The following SNX29 variants were observed in gnomAD, a reference collection of about 807,000 sequenced individuals.
SNX29 encodes sorting nexin 29, also known as sorting nexin-29.
Under a neutral mutation model 102.1 loss-of-function variants are expected in SNX29, and 78 were observed. The ratio of observed to expected loss-of-function variants is 0.76; its 90% CI spans 0.64 to 0.92. The LOEUF is 0.92. SNX29 is among the 40% of genes least tolerant of loss of function. The pLI, the probability that SNX29 is intolerant of heterozygous loss-of-function variation, is 0.00. For synonymous variants in SNX29, 580 were observed against 414.5 expected, an observed-to-expected ratio of 1.40 and a Z score of -4.85; for missense variants, 1,280 against 1,061.7, an observed-to-expected ratio of 1.21 and a Z score of -2.86.
chr16:12,552,568 A>G (rs1157792801), intron 20 of SNX29, among the ~76,000 whole-genome samples: 1 of 152,044 alleles, frequency 6.6e-6, no homozygotes, highest in African/African-American at 2.4e-5. Flanking sequence ...AGGCCAGCCA[A>G]GTTGCTGCCC....
intron 15 of SNX29, among the ~76,000 whole-genome samples, chr16:12,309,956 A>G (rs1282357333): frequency 6.6e-6 from 1 of 152,176 alleles, no homozygotes; most frequent in African/African-American, 2.4e-5. Context: ...CTTGAGCTAA[A>G]TATGCAGCAG....
At position 12,445,057 on chromosome 16, in the gene SNX29, G is replaced by T. The variant is rs570843535; in HGVS notation, c.2038-32662G>T. Among the ~76,000 whole-genome samples the T allele has an allele frequency of 8.4e-4, 128 of 152,092 alleles. 2 individuals are homozygous for T. The highest frequency in any genetic ancestry group is 1.3e-3 in the Non-Finnish European group (90 of 67,984). Reference sequence around the variant, plus strand: ...GTAGAGATGGGGTTTCACCATGTTGGCCAGGCTGATCTTGAACTCCTGACC... The same window carrying T: ...GTAGAGATGGGGTTTCACCATGTTGTCCAGGCTGATCTTGAACTCCTGACC... On this transcript the variant is annotated intron_variant, in intron 18 of 20. Transcript: ENST00000566228.
intron 11 of SNX29, among the ~76,000 whole-genome samples, chr16:12,100,236 T>C (rs1197430234): frequency 6.6e-6 from 1 of 152,208 alleles, no homozygotes; most frequent in Non-Finnish European, 1.5e-5. Flanking sequence ...GTGTCTCCAC[T>C]GCGGCACTGT....
chr16:12,197,053 G>A (rs1046794528), intron 13 of SNX29, among the ~76,000 whole-genome samples: 62 of 152,320 alleles, frequency 4.1e-4, no homozygotes, highest in African/African-American at 1.4e-3. Flanking sequence ...GGATCGGCCC[G>A]ACGGCTGGCA....
chr16:12,485,152 T>G (rs1280923074), intron 19 of SNX29, among the ~76,000 whole-genome samples: 1 of 152,208 alleles, frequency 6.6e-6, no homozygotes, highest in East Asian at 1.9e-4. Context: ...ACCCGACTTT[T>G]GGCTGAATAT....
chr16:12,063,764 C>G (rs2050893390), intron 9 of SNX29, among the ~76,000 whole-genome samples: 1 of 151,694 alleles, frequency 6.6e-6, no homozygotes, highest in Non-Finnish European at 1.5e-5. Flanking sequence ...TCCATACCAA[C>G]TGGAATTTCT....
At chr16:12,475,215 C>T (rs1322004718) in intron 18 of SNX29, among the ~76,000 whole-genome samples, 2 of 152,196 alleles carry the variant, frequency 1.3e-5, no homozygotes, top group African/African-American at 4.8e-5. Context: ...AAATTGCCCA[C>T]TCGTCAGAAT....
In SNX29 at chr16:12,052,191, A is replaced by G; in HGVS notation, c.1093A>G (p.Lys365Glu). The change falls in exon 8 of 21, where the codon AAG (lysine) becomes GAG (glutamate). Residue 365 changes from lysine to glutamate, a missense_variant. Transcript: ENST00000566228. ...CGTGTATGGAAACTCATCAGGAAGG[A>G]AGCACAGGGGCCACTCGGAGTCGCC... Reference protein sequence around the residue: ...DDVYGNSSGRKHRGHSESPEK... With the variant: ...DDVYGNSSGREHRGHSESPEK... 6.2e-7 allele frequency: 1 copy of G among 1,613,928 alleles called. No individual in the cohort carries two copies. Among genetic ancestry groups the G allele is most frequent in the East Asian group, 2.2e-5 (1 of 44,886 alleles).
At chr16:12,239,082 C>T (rs1488676545) in intron 14 of SNX29, among the ~76,000 whole-genome samples, 1 of 152,142 alleles carries the variant, frequency 6.6e-6, no homozygotes, top group Non-Finnish European at 1.5e-5. Flanking sequence ...GTCGGTGGCA[C>T]CACTTTGATG....
intron 20 of SNX29, among the ~76,000 whole-genome samples, chr16:12,543,786 G>C (rs1017519439): frequency 6.6e-6 from 1 of 152,190 alleles, no homozygotes; most frequent in East Asian, 1.9e-4. Flanking sequence ...GATGTATCTG[G>C]TGCTCTAGAG....
chr16:12,053,664 GT>G (rs75991516), intron 8 of SNX29, among the ~76,000 whole-genome samples: 200 of 147,034 alleles, frequency 1.4e-3, no homozygotes, highest in East Asian at 0.013. Context: ...CAATATTAGG[GT>G]TTTTTTTTTT....
At chr16:12,091,763 C>T in intron 11 of SNX29, among the ~76,000 whole-genome samples, 1 of 102,874 alleles carries the variant, frequency 9.7e-6, no homozygotes, top group African/African-American at 3.9e-5. Flanking sequence ...GGCAACAGAG[C>T]AAGATCCTTC....
At chr16:12,377,673 C>T (rs564593965) in intron 16 of SNX29, among the ~76,000 whole-genome samples, 4 of 152,192 alleles carry the variant, frequency 2.6e-5, no homozygotes, top group South Asian at 2.1e-4. Flanking sequence ...ATGGTGGTTA[C>T]GGTGGTGATG....
chr16:12,488,324 A>T (rs1235240862), intron 19 of SNX29, among the ~76,000 whole-genome samples: 3 of 152,022 alleles, frequency 2.0e-5, no homozygotes, highest in Non-Finnish European at 4.4e-5. Context: ...TGTGGCCTTC[A>T]TACCTCCACC....
intron 14 of SNX29, among the ~76,000 whole-genome samples, chr16:12,261,384 G>A (rs2078754528): frequency 7.5e-6 from 1 of 133,822 alleles, no homozygotes; most frequent in South Asian, 2.5e-4. Context: ...GCTCGGGTCT[G>A]TGCACGTGTC....
At chr16:12,125,798 G>A (rs549877740) in intron 11 of SNX29, among the ~76,000 whole-genome samples, 1 of 151,982 alleles carries the variant, frequency 6.6e-6, no homozygotes, top group African/African-American at 2.4e-5. Context: ...TGCCAGGCAA[G>A]CATTGCTGTC....
intron 16 of SNX29, among the ~76,000 whole-genome samples, chr16:12,383,751 A>T (rs1478149373): frequency 6.6e-6 from 1 of 151,556 alleles, no homozygotes; most frequent in Admixed American, 6.6e-5. Context: ...TAACATTAAA[A>T]AAAAAAGATA....
At chr16:12,110,133 T>G (rs1008312024) in intron 11 of SNX29, among the ~76,000 whole-genome samples, 2 of 152,300 alleles carry the variant, frequency 1.3e-5, no homozygotes, top group East Asian at 3.9e-4. Context: ...GATGCTGAGC[T>G]TGCGGGGAGG....
intron 19 of SNX29, among the ~76,000 whole-genome samples, chr16:12,498,329 T>G (rs1402129917): frequency 1.3e-5 from 2 of 152,130 alleles, no homozygotes; most frequent in African/African-American, 4.8e-5. Flanking sequence ...CCTTGTATGC[T>G]TAGCTAAGGA....
Sources: allele counts gnomAD v4.1 joint callset (sites outside exome capture counted in the v4.1 genomes callset), GRCh38; gene constraint gnomAD v4.1.1; transcripts MANE v1.5; gene names NCBI Gene and HGNC (gene_info 2026-07-23, HGNC 2026-07-21).